B3GALT1: variants seen among roughly 807,000 people sequenced by gnomAD.
B3GALT1 encodes beta-1,3-galactosyltransferase 1, also known as UDP-Gal:betaGlcNAc beta 1,3-galactosyltransferase, polypeptide 1.
A neutral mutation model predicts 23.2 loss-of-function variants in B3GALT1; 10 were observed. The ratio of observed to expected loss-of-function variants is 0.43; its 90% CI spans 0.27 to 0.73. The LOEUF is 0.73. Ranked by LOEUF, B3GALT1 falls within the 30% of genes least tolerant of loss-of-function variation. The pLI, the probability that B3GALT1 is intolerant of heterozygous loss-of-function variation, is 0.21. For missense variants in B3GALT1, 299 were observed against 405.4 expected, an observed-to-expected ratio of 0.74 and a Z score of 2.25; for synonymous variants, 156 against 141.5, an observed-to-expected ratio of 1.10 and a Z score of -0.73.
intron 2 of B3GALT1, among the ~76,000 whole-genome samples, chr2:167,591,587 A>T (rs149739582): frequency 2.6e-5 from 4 of 152,130 alleles, no homozygotes; most frequent in African/African-American, 9.7e-5. Flanking sequence ...CTCCCACCTC[A>T]GCCTTCGGAG....
At chr2:167,732,494 T>A (rs1172792161) in intron 3 of B3GALT1, among the ~76,000 whole-genome samples, 2 of 152,216 alleles carry the variant, frequency 1.3e-5, no homozygotes, top group African/African-American at 4.8e-5. Flanking sequence ...GCAGTGGATA[T>A]GCCACTGGCA....
intron 1 of B3GALT1, among the ~76,000 whole-genome samples, chr2:167,430,489 A>G (rs1338618071): frequency 1.3e-5 from 2 of 152,166 alleles, no homozygotes; most frequent in Non-Finnish European, 2.9e-5. Flanking sequence ...GTCAAAGGAA[A>G]TCAAGAAGCT....
chr2:167,766,972 G>A (rs1687987231), intron 3 of B3GALT1, among the ~76,000 whole-genome samples: 1 of 152,118 alleles, frequency 6.6e-6, no homozygotes, highest in Non-Finnish European at 1.5e-5. Context: ...CCATTGCTAT[G>A]ATTGTGCTTT....
chr2:167,323,262 T>C (rs1036187134), intron 1 of B3GALT1, among the ~76,000 whole-genome samples: 21 of 152,068 alleles, frequency 1.4e-4, no homozygotes, highest in Admixed American at 2.6e-4. Flanking sequence ...ATATACGATG[T>C]GGCATGCATA....
intron 4 of B3GALT1, among the ~76,000 whole-genome samples, chr2:167,823,819 A>G (rs1689159026): frequency 6.6e-6 from 1 of 152,248 alleles, no homozygotes; most frequent in Admixed American, 6.5e-5. Flanking sequence ...CTCTTGGAAA[A>G]TAAGAATGAT....
chr2:167,662,902 T>G (rs917875481), intron 3 of B3GALT1, among the ~76,000 whole-genome samples: 1 of 152,128 alleles, frequency 6.6e-6, no homozygotes, highest in Non-Finnish European at 1.5e-5. Flanking sequence ...TATGACTGCC[T>G]TGTCTTCTCC....
At chr2:167,828,329 A>G (rs1689271403) in intron 4 of B3GALT1, among the ~76,000 whole-genome samples, 1 of 152,180 alleles carries the variant, frequency 6.6e-6, no homozygotes, top group African/African-American at 2.4e-5. Context: ...AATTGCTCTC[A>G]AGCTCGAGTG....
chr2:167,767,593 T>C (rs1318899020), intron 3 of B3GALT1, among the ~76,000 whole-genome samples: 69 of 152,308 alleles, frequency 4.5e-4, no homozygotes, highest in Non-Finnish European at 5.9e-5. Flanking sequence ...GAAATTCCTG[T>C]ATAGTTTTTC....
In B3GALT1 at chr2:167,425,846, C is replaced by T. The variant is rs561065335; in HGVS notation, c.-510-64331C>T. ...GTGCGAAACCAGAAGCACTCAGAAA[C>T]CAGTGTCCATTGAATTTAAATGAAA... On this transcript the variant is annotated intron_variant, in intron 1 of 4. Transcript: ENST00000392690. 1.2e-3 allele frequency among the ~76,000 whole-genome samples: 183 copies of T among 152,226 alleles called. 1 individual carries two copies. The highest frequency in any genetic ancestry group is 3.5e-3 in the South Asian group (17 of 4,826).
At chr2:167,789,481 G>A (rs836690) in intron 3 of B3GALT1, among the ~76,000 whole-genome samples, 55,061 of 151,862 alleles carry the variant, frequency 0.36, 10,685 homozygotes, top group East Asian at 0.65. Context: ...CATAAATAAA[G>A]CCTTTGGCAC....
chr2:167,861,850 G>A (rs1690107618), intron 4 of B3GALT1, among the ~76,000 whole-genome samples: 1 of 152,154 alleles, frequency 6.6e-6, no homozygotes, highest in African/African-American at 2.4e-5. Context: ...ACATTTTTCA[G>A]ATGTCTTACC....
At chr2:167,841,273 T>C (rs996478105) in intron 4 of B3GALT1, among the ~76,000 whole-genome samples, 4 of 150,984 alleles carry the variant, frequency 2.6e-5, no homozygotes, top group African/African-American at 9.7e-5. Flanking sequence ...AAGAGCCATC[T>C]CCTGCCCCAG....
intron 3 of B3GALT1, among the ~76,000 whole-genome samples, chr2:167,778,419 AG>A (rs1224668228): frequency 3.9e-5 from 6 of 152,030 alleles, no homozygotes; most frequent in Admixed American, 6.5e-5. Context: ...TTAATTTTAA[AG>A]GGTTTATTGT....
chr2:167,392,908 A>G (rs1698036920), intron 1 of B3GALT1, among the ~76,000 whole-genome samples: 2 of 152,172 alleles, frequency 1.3e-5, no homozygotes, highest in African/African-American at 4.8e-5. Context: ...ACTTGTGAAA[A>G]AGCCGTACGT....
chr2:167,299,804 G>GTC (rs751393976), intron 1 of B3GALT1, among the ~76,000 whole-genome samples: 15 of 149,784 alleles, frequency 1.0e-4, no homozygotes, highest in South Asian at 4.2e-4. Context: ...TTCTCTCTTG[G>GTC]TCTCTCTCTC....
Position 167,645,701 on chromosome 2 carries a change from G to A in B3GALT1, c.-409-1208G>A, listed in dbSNP as rs572392223. Among the ~76,000 whole-genome samples the A allele has an allele frequency of 1.1e-4, 16 of 151,856 alleles. No homozygotes were observed. In the South Asian group the frequency reaches 2.7e-3, roughly 26 times the overall value. On this transcript the variant is annotated intron_variant, in intron 2 of 4. Coordinates refer to ENST00000392690, the MANE Select transcript of B3GALT1 (RefSeq NM_020981.4). ...TCCTGCCTCAACCTCCTGAGTAGGC[G>A]GGATTACAGGCATGAGCCACCATGC...
At chr2:167,650,353 A>C (rs2105463416) in intron 3 of B3GALT1, among the ~76,000 whole-genome samples, 1 of 150,276 alleles carries the variant, frequency 6.7e-6, no homozygotes, top group African/African-American at 2.4e-5. Flanking sequence ...ATATATAGTG[A>C]GAATATATAT....
intron 4 of B3GALT1, among the ~76,000 whole-genome samples, chr2:167,840,757 CA>C (rs1689627760): frequency 6.7e-6 from 1 of 149,636 alleles, no homozygotes; most frequent in Admixed American, 6.7e-5. Context: ...TTCACAATAG[CA>C]AAGACTTGGA....
chr2:167,422,679 A>G (rs987629331), intron 1 of B3GALT1, among the ~76,000 whole-genome samples: 2 of 152,136 alleles, frequency 1.3e-5, no homozygotes, highest in African/African-American at 4.8e-5. Flanking sequence ...AAAAGTGTAA[A>G]GCTTGGTGGC....
Sources: gnomAD v4.1 joint callset for allele counts (sites outside exome capture counted in the v4.1 genomes callset) on GRCh38, gnomAD v4.1.1 for gene constraint, MANE v1.5 for transcripts, NCBI Gene and HGNC (gene_info 2026-07-23, HGNC 2026-07-21) for gene names.